The following CMYA5 variants were observed in gnomAD, a reference collection of about 807,000 sequenced individuals.
The protein encoded by CMYA5 is cardiomyopathy associated 5, also known as cardiomyopathy-associated protein 5.
Under a neutral mutation model 318.9 loss-of-function variants are expected in CMYA5, and 246 were observed. The observed-to-expected ratio is 0.77, with a 90% CI of 0.70 to 0.86. The LOEUF is 0.86. Among genes scored for constraint, CMYA5 ranks in the 40% least tolerant of loss-of-function variants. The pLI is 0.00. For missense variants in CMYA5, 4,589 were observed against 4,678.2 expected, an observed-to-expected ratio of 0.98 and a Z score of 0.56; for synonymous variants, 1,641 against 1,729.5, an observed-to-expected ratio of 0.95 and a Z score of 1.27.
At chr5:79,758,297 C>T (rs777254611) in intron 6 of CMYA5, among the ~76,000 whole-genome samples, 1 of 150,060 alleles carries the variant, frequency 6.7e-6, no homozygotes, top group African/African-American at 2.5e-5. Context: ...TTTGGGAGGC[C>T]GAGGTGGGTG....
In CMYA5 at chr5:79,737,640, C is replaced by G. The variant is rs779199149; in HGVS notation, c.8875C>G (p.Pro2959Ala). The G allele has an allele frequency of 6.2e-6, 10 of 1,613,516 alleles. No homozygotes were observed. In the Admixed American group the frequency reaches 1.7e-4, roughly 27 times the overall value. ...CTGTGAGATATTGAATATTCATGCT[C>G]CGGCCTTTATTTCTTCAATCGATCA... ...EGCEILNIHA[P>A]AFISSIDQEE... The change falls in exon 2 of 13, where the codon CCG becomes GCG. Residue 2959 changes from proline (P) to alanine (A), a missense_variant. By Grantham distance (27) the Pro-to-Ala change is conservative (BLOSUM62 -1). This residue lies in a region of CMYA5 where 2,431 missense variants were observed against 2,495.1 expected (regional missense o/e 0.97). Coordinates refer to ENST00000446378, the MANE Select transcript of CMYA5 (RefSeq NM_153610.5).
At chr5:79,691,269 C>G (rs1387244520) in intron 1 of CMYA5, among the ~76,000 whole-genome samples, 2 of 152,196 alleles carry the variant, frequency 1.3e-5, no homozygotes, top group Admixed American at 1.3e-4. Flanking sequence ...AGTAGGGGAC[C>G]TGTGATCCCT....
chr5:79,745,220 A>T lies in CMYA5; in HGVS notation c.10735-2A>T. 6.5e-7 allele frequency: 1 copy of T among 1,550,082 alleles called. No individual in the cohort carries two copies. Among genetic ancestry groups the T allele is most frequent in the South Asian group, 1.2e-5 (1 of 82,722 alleles). ...TGGGCTTTTTTGCTTGTTTGTTTTC[A>T]GGAAAACTGTAGTAAAAATGAGAAA... On this transcript the variant is annotated splice_acceptor_variant, in intron 3 of 12. Transcript: ENST00000446378. LOFTEE classifies it high-confidence loss of function.
intron 1 of CMYA5, among the ~76,000 whole-genome samples, chr5:79,711,144 A>G (rs1044637433): frequency 2.6e-5 from 4 of 152,164 alleles, no homozygotes; most frequent in Admixed American, 2.6e-4. Flanking sequence ...CCCCTGTGGA[A>G]TTTTAGAGAC....
chr5:79,722,232 C>T (rs898996302), intron 1 of CMYA5, among the ~76,000 whole-genome samples: 4 of 152,052 alleles, frequency 2.6e-5, no homozygotes, highest in African/African-American at 9.7e-5. Context: ...TATGAAATCA[C>T]AAAGGAAATT....
intron 6 of CMYA5, among the ~76,000 whole-genome samples, 167 bp from the exon 7 acceptor site, chr5:79,758,585 TA>T (rs1297981873): frequency 4.0e-5 from 6 of 151,472 alleles, no homozygotes; most frequent in African/African-American, 9.7e-5. Context: ...AAATAAAAAA[TA>T]AAAAAATATA....
At chr5:79,726,309 A>C (rs1231788810) in intron 1 of CMYA5, among the ~76,000 whole-genome samples, 1 of 152,232 alleles carries the variant, frequency 6.6e-6, no homozygotes. Context: ...CTGACTTCCC[A>C]GATGCATGTC....
intron 1 of CMYA5, among the ~76,000 whole-genome samples, chr5:79,694,603 A>G (rs1827031936): frequency 6.6e-6 from 1 of 152,256 alleles, no homozygotes; most frequent in Non-Finnish European, 1.5e-5. Context: ...CAGTGCTTCT[A>G]TAAAACAGGT....
rs541058526 is a variant in CMYA5 at position 79,799,964 on chromosome 5, T to C, written c.*348T>C. 1 of 171,270 alleles carries C rather than the reference T, an allele frequency of 5.8e-6. No individual in the cohort carries two copies. The highest frequency in any genetic ancestry group is 2.4e-5 in the African/African-American group (1 of 41,892). 10.6% of individuals were successfully genotyped at this position (171,270 alleles called of 1,614,324 possible). A position where few individuals can be genotyped will look rare whatever the true frequency, so the allele number is the denominator to read the frequency against. ...AAATCCTCTGATGGACAGGTCAGAG[T>C]GAAGGAAGGTTGTGCTGGTAAGACA... is the stretch of plus-strand genomic sequence containing the variant. On this transcript the variant is annotated 3_prime_UTR_variant, in exon 13 of 13. Coordinates refer to ENST00000446378, the MANE Select transcript of CMYA5 (RefSeq NM_153610.5).
Position 79,729,765 on chromosome 5 carries a change from G to A in CMYA5, c.1000G>A (p.Ala334Thr), listed in dbSNP as rs1395322907. 3.1e-6 allele frequency: 5 copies of A among 1,613,846 alleles called. No individual in the cohort carries two copies. Among genetic ancestry groups the A allele is most frequent in the Non-Finnish European group, 1.7e-6 (2 of 1,179,892 alleles). ...AATTTATGCTGATTCTCCCCTAAATGCCACATCTGCATTGGAGCACACAGT... is the reference window on the plus strand; with the variant it reads ...AATTTATGCTGATTCTCCCCTAAATACCACATCTGCATTGGAGCACACAGT... ...KKIYADSPLNATSALEHTVPS... is the reference protein window; with the variant it reads ...KKIYADSPLNTTSALEHTVPS... The change falls in exon 2 of 13, where the codon GCC becomes ACC. Residue 334 changes from alanine to threonine, a missense_variant. This residue lies in a region of CMYA5 where 2,132 missense variants were observed against 2,131.3 expected (regional missense o/e 1.00). Coordinates refer to ENST00000446378, the MANE Select transcript of CMYA5 (RefSeq NM_153610.5).
intron 2 of CMYA5, among the ~76,000 whole-genome samples, chr5:79,740,582 G>A (rs933678160): frequency 6.6e-6 from 1 of 152,232 alleles, no homozygotes; most frequent in Non-Finnish European, 1.5e-5. Context: ...GTTAGAAGCA[G>A]AAATTTTTTT....
Position 79,732,304 on chromosome 5 carries a change from T to A in CMYA5, c.3539T>A (p.Ile1180Asn), listed in dbSNP as rs763309668. Residue 1180 changes from isoleucine to asparagine, a missense_variant, in exon 2 of 13, where the codon ATC becomes AAC. By Grantham distance (149) the Ile-to-Asn change is moderately radical. Around this residue, in one of 3 missense-constraint regions of CMYA5, gnomAD observed 2,132 missense variants for 2,131.3 expected, o/e 1.00. Coordinates refer to ENST00000446378, the MANE Select transcript of CMYA5 (RefSeq NM_153610.5). ...HSVLPDSVPA[I>N]KKEQEPTAAL... ...GTTTTACCTGATTCAGTCCCTGCAA[T>A]CAAGAAAGAACAGGAACCCACAGCA... The A allele has an allele frequency of 1.1e-5, 18 of 1,613,696 alleles. No individual in the cohort carries two copies. The African/African-American group carries it at 1.7e-4, about 16-fold the overall frequency.
intron 1 of CMYA5, 136 bp downstream of exon 1, chr5:79,690,192 T>A: frequency 7.8e-7 from 1 of 1,277,236 alleles, no homozygotes; most frequent in Non-Finnish European, 1.0e-6. Context: ...CACTGTCGTT[T>A]AAAAGAACTT....
intron 1 of CMYA5, among the ~76,000 whole-genome samples, chr5:79,705,657 A>G (rs1424192150): frequency 6.6e-6 from 1 of 152,166 alleles, no homozygotes; most frequent in East Asian, 1.9e-4. Flanking sequence ...CCTAACACCA[A>G]CTTAAGCATA....
chr5:79,797,824 T>G (rs574692931), intron 12 of CMYA5, among the ~76,000 whole-genome samples: 1 of 152,234 alleles, frequency 6.6e-6, no homozygotes. Flanking sequence ...CTCTGCCACA[T>G]ACGGACTTCT....
Position 79,793,546 on chromosome 5 carries a change from G to C in CMYA5, c.11899G>C (p.Val3967Leu). ...YRLGICSSSA[V>L]QAGALGQGET... ...ACTCGGCATCTGCTCCAGCTCGGCT[G>C]TGCAGGCAGGTGCCCTAGGACAAGG... The change falls in exon 12 of 13, where the codon GTG becomes CTG. Residue 3967 changes from valine to leucine, a missense_variant. By Grantham distance (32) the Val-to-Leu change is conservative. Coordinates refer to ENST00000446378, the MANE Select transcript of CMYA5 (RefSeq NM_153610.5). 4 of 1,613,840 alleles carry C rather than the reference G, an allele frequency of 2.5e-6. No homozygotes were observed. Among genetic ancestry groups the C allele is most frequent in the Non-Finnish European group, 2.5e-6 (3 of 1,179,774 alleles).
chr5:79,773,897 T>G (rs561256941), intron 9 of CMYA5, among the ~76,000 whole-genome samples: 2 of 151,972 alleles, frequency 1.3e-5, no homozygotes, highest in Non-Finnish European at 2.9e-5. Flanking sequence ...GGAAGACAAG[T>G]TGAAAGGAAA....
intron 9 of CMYA5, among the ~76,000 whole-genome samples, chr5:79,775,579 C>A (rs1301095459): frequency 1.3e-5 from 2 of 152,104 alleles, no homozygotes; most frequent in South Asian, 4.1e-4. Context: ...CATAACTCAT[C>A]TCTTTTTTTA....
Position 79,737,712 on chromosome 5 carries a change from A to G in CMYA5, c.8947A>G (p.Lys2983Glu). The G allele has an allele frequency of 6.2e-7, 1 of 1,612,000 alleles. No homozygotes were observed. The highest frequency in any genetic ancestry group is 8.5e-7 in the Non-Finnish European group (1 of 1,179,408). ...MQDKLEYLEE[K>E]ASFKTIPLPD... ...AGATAAATTAGAATATTTGGAAGAG[A>G]AAGCCTCATTTAAAACCATACCACT... The change falls in exon 2 of 13, where the codon AAA (lysine) becomes GAA (glutamate). Residue 2983 changes from lysine (K) to glutamate (E), a missense_variant. By Grantham distance (56) the Lys-to-Glu change is moderately conservative (BLOSUM62 1). Around this residue, in one of 3 missense-constraint regions of CMYA5, gnomAD observed 2,431 missense variants for 2,495.1 expected, o/e 0.97. Coordinates refer to ENST00000446378, the MANE Select transcript of CMYA5 (RefSeq NM_153610.5).
Sources: allele counts gnomAD v4.1 joint callset (sites outside exome capture counted in the v4.1 genomes callset), GRCh38; gene constraint gnomAD v4.1.1; regional missense constraint gnomAD v4.1.1; transcripts MANE v1.5; gene names NCBI Gene and HGNC (gene_info 2026-07-23, HGNC 2026-07-21).